Variants in TMPRSS15 observed in about 807,000 individuals in gnomAD.
The protein encoded by TMPRSS15 is transmembrane serine protease 15.
In TMPRSS15, 128 loss-of-function variants were observed where a neutral mutation model predicts 125.3. The ratio of observed to expected loss-of-function variants is 1.02; its 90% CI spans 0.89 to 1.18. The LOEUF (loss-of-function observed/expected upper bound fraction) is 1.18. TMPRSS15 is among the 50% of genes most tolerant of loss of function. The pLI is 0.00. For missense variants in TMPRSS15, 1,283 were observed against 1,212.7 expected, an observed-to-expected ratio of 1.06 and a Z score of -0.86; for synonymous variants, 446 against 423.2, an observed-to-expected ratio of 1.05 and a Z score of -0.66.
chr21:18,413,268 C>CTT (rs1601454239), intron 1 of TMPRSS15, among the ~76,000 whole-genome samples: 2 of 127,830 alleles, frequency 1.6e-5, no homozygotes, highest in African/African-American at 3.0e-5. Context: ...CTTTCTTTCT[C>CTT]TTTCTTTTTC....
At chr21:18,423,163 G>A (rs961049209) in intron 1 of TMPRSS15, among the ~76,000 whole-genome samples, 19 of 152,068 alleles carry the variant, frequency 1.2e-4, no homozygotes, top group Non-Finnish European at 2.5e-4. Context: ...CTCTTGTGGC[G>A]TCTCCTCTGA....
At chr21:18,319,411 CTT>C (rs1319166234) in intron 16 of TMPRSS15, among the ~76,000 whole-genome samples, 2,234 of 42,360 alleles carry the variant, frequency 0.053, 61 homozygotes, top group African/African-American at 0.19. Context: ...AAAAAAAAAT[CTT>C]CTTCACCGAT....
At chr21:18,352,787 C>A in intron 10 of TMPRSS15, 116 bp downstream of exon 10, 1 of 1,092,032 alleles carries the variant, frequency 9.2e-7, no homozygotes, top group Non-Finnish European at 1.4e-6. Flanking sequence ...TTTAAAAAAC[C>A]CAAAAAGACT....
chr21:18,280,581 A>AAAAAAAAAAAC (rs1555890645), intron 22 of TMPRSS15, among the ~76,000 whole-genome samples: 16 of 147,094 alleles, frequency 1.1e-4, no homozygotes, highest in African/African-American at 4.0e-4. Flanking sequence ...GTCTCAAAAA[A>AAAAAAAAAAAC]AAAAAAAAAA....
chr21:18,279,692 T>C (rs2074668864), intron 22 of TMPRSS15, among the ~76,000 whole-genome samples: 1 of 152,094 alleles, frequency 6.6e-6, no homozygotes, highest in Non-Finnish European at 1.5e-5. Context: ...CATTTATATT[T>C]TATTTTTAAA....
chr21:18,445,305 C>T lies in TMPRSS15; in HGVS notation c.10+40494G>A, dbSNP rs759083774. On this transcript the variant is annotated intron_variant, in intron 1 of 7. Coordinates refer to the TMPRSS15 transcript ENST00000422787. ...AAGTGATTACCCTGCCTCAGCCTCC[C>T]GAATAGCTGAGATTACAGTCATGCA... Among the ~76,000 whole-genome samples the T allele has an allele frequency of 9.9e-5, 15 of 151,462 alleles. No homozygotes were observed. In the South Asian group the frequency reaches 1.7e-3, roughly 17 times the overall value.
intron 1 of TMPRSS15, among the ~76,000 whole-genome samples, chr21:18,437,429 T>A (rs1451288500): frequency 6.6e-6 from 1 of 151,994 alleles, no homozygotes; most frequent in African/African-American, 2.4e-5. Flanking sequence ...GGACTTCATG[T>A]CTAAAACACA....
At chr21:18,417,027 T>C (rs924039506) in intron 1 of TMPRSS15, among the ~76,000 whole-genome samples, 5 of 152,110 alleles carry the variant, frequency 3.3e-5, no homozygotes, top group African/African-American at 1.2e-4. Flanking sequence ...AATTTTTATG[T>C]ATAAGATAGT....
chr21:18,437,157 C>A (rs2076229763), intron 1 of TMPRSS15, among the ~76,000 whole-genome samples: 1 of 149,726 alleles, frequency 6.7e-6, no homozygotes, highest in South Asian at 2.2e-4. Context: ...ACAGAGCCCT[C>A]AGAGATAACG....
chr21:18,289,447 G>T (rs1279039146), intron 21 of TMPRSS15, among the ~76,000 whole-genome samples: 1 of 152,170 alleles, frequency 6.6e-6, no homozygotes, highest in South Asian at 2.1e-4. Flanking sequence ...GGGAGGCGGA[G>T]GTTGCAGTGA....
intron 1 of TMPRSS15, among the ~76,000 whole-genome samples, chr21:18,413,311 T>TTTTC (rs879312010): frequency 0.11 from 4,927 of 44,320 alleles, 283 homozygotes; most frequent in East Asian, 0.25. Context: ...CTTTTCTTTC[T>TTTTC]TTTCCTTCCT....
intron 24 of TMPRSS15, among the ~76,000 whole-genome samples, chr21:18,270,776 T>A (rs889253570): frequency 3.9e-5 from 6 of 152,160 alleles, no homozygotes; most frequent in Non-Finnish European, 8.8e-5. Flanking sequence ...TAAAGTAAAT[T>A]TCATAGATTT....
chr21:18,310,381 A>C (rs1043606825), intron 18 of TMPRSS15, among the ~76,000 whole-genome samples: 1 of 152,142 alleles, frequency 6.6e-6, no homozygotes, highest in Non-Finnish European at 1.5e-5. Flanking sequence ...AAAATAAACA[A>C]AACAAAATCA....
Position 18,275,362 on chromosome 21 carries a change from G to T in TMPRSS15, c.2765-26C>A, listed in dbSNP as rs138941409. On this transcript the variant is annotated intron_variant, in intron 23 of 24. Transcript: ENST00000284885. ...CTGCTCAAAATGGAGAATGCAGCCAGCCAGTCAGAAGTGATCAACATGCAT... is the reference window on the plus strand; with the variant it reads ...CTGCTCAAAATGGAGAATGCAGCCATCCAGTCAGAAGTGATCAACATGCAT... 9,062 of 1,613,050 alleles carry T rather than the reference G, an allele frequency of 5.6e-3. 36 individuals are homozygous for T. Among genetic ancestry groups the T allele is most frequent in the Non-Finnish European group, 7.0e-3 (8,225 of 1,179,790 alleles).
At chr21:18,378,300 G>T (rs565235809) in intron 5 of TMPRSS15, among the ~76,000 whole-genome samples, 1 of 152,200 alleles carries the variant, frequency 6.6e-6, no homozygotes, top group Admixed American at 6.5e-5. Flanking sequence ...CAGGAATGTG[G>T]GCTCAGTGGC....
intron 4 of TMPRSS15, chr21:18,380,535 C>T: frequency 2.1e-6 from 1 of 470,584 alleles, no homozygotes; most frequent in Non-Finnish European, 4.4e-6. Flanking sequence ...GCCATAAACA[C>T]TGACCTGAAG....
At chr21:18,341,650 C>T in intron 12 of TMPRSS15, 102 bp from the exon 13 acceptor site, 1 of 1,252,000 alleles carries the variant, frequency 8.0e-7, no homozygotes, top group Non-Finnish European at 1.2e-6. Context: ...TCTAGAGATT[C>T]AATATTGTCA....
At chr21:18,278,658 T>C (rs1026318544) in intron 23 of TMPRSS15, among the ~76,000 whole-genome samples, 2 of 151,604 alleles carry the variant, frequency 1.3e-5, no homozygotes, top group Non-Finnish European at 2.9e-5. Flanking sequence ...GGAGGTGGAG[T>C]TTGCAGTGTG....
chr21:18,327,747 G>T (rs912062449), intron 15 of TMPRSS15, among the ~76,000 whole-genome samples: 13 of 152,026 alleles, frequency 8.6e-5, no homozygotes, highest in Non-Finnish European at 1.2e-4. Context: ...GTGTGGGAGG[G>T]CGATAAAACA....
Sources: gnomAD v4.1 joint callset for allele counts (sites outside exome capture counted in the v4.1 genomes callset) on GRCh38, gnomAD v4.1.1 for gene constraint, MANE v1.5 for transcripts, NCBI Gene and HGNC (gene_info 2026-07-23, HGNC 2026-07-21) for gene names.